Variants in RBFOX2 observed in about 807,000 individuals in gnomAD.
RBFOX2 encodes the protein RNA binding protein fox-1 homolog 2.
Under a neutral mutation model 49.1 loss-of-function variants are expected in RBFOX2, and 10 were observed. The observed-to-expected ratio is 0.20, with a 90% CI of 0.13 to 0.35. The LOEUF is 0.35. RBFOX2 is among the 10% of genes least tolerant of loss of function. The pLI, the probability that RBFOX2 is intolerant of heterozygous loss-of-function variation, is 1.00. For synonymous variants in RBFOX2, 183 were observed against 187.4 expected, an observed-to-expected ratio of 0.98 and a Z score of 0.19; for missense variants, 323 against 486.9, an observed-to-expected ratio of 0.66 and a Z score of 3.17.
intron 1 of RBFOX2, among the ~76,000 whole-genome samples, chr22:35,896,053 G>A (rs1272247994): frequency 1.3e-5 from 2 of 152,044 alleles, no homozygotes; most frequent in East Asian, 3.8e-4. Flanking sequence ...GCCCATACGT[G>A]TTCCTTGCTT....
chr22:35,769,159 C>T (rs1375006847), intron 4 of RBFOX2, among the ~76,000 whole-genome samples: 2 of 151,976 alleles, frequency 1.3e-5, no homozygotes, highest in African/African-American at 4.8e-5. Flanking sequence ...TTTATACCTG[C>T]TATTAAAGGT....
chr22:35,911,256 G>C (rs2049794085), intron 1 of RBFOX2, among the ~76,000 whole-genome samples: 1 of 152,174 alleles, frequency 6.6e-6, no homozygotes, highest in East Asian at 1.9e-4. Flanking sequence ...AATCTTCTTT[G>C]TAAAAGCCAT....
At chr22:35,857,659 T>G (rs769600366) in intron 1 of RBFOX2, among the ~76,000 whole-genome samples, 6 of 152,098 alleles carry the variant, frequency 3.9e-5, no homozygotes, top group Non-Finnish European at 8.8e-5. Flanking sequence ...TTGAGATTCC[T>G]CTCCCACACT....
At chr22:35,916,580 C>A (rs1277773832) in intron 1 of RBFOX2, among the ~76,000 whole-genome samples, 2 of 152,174 alleles carry the variant, frequency 1.3e-5, no homozygotes, top group African/African-American at 4.8e-5. Context: ...CCGTGCCCAG[C>A]CAGGAGAGTG....
chr22:36,001,481 C>G (rs1047163557), intron 1 of RBFOX2, among the ~76,000 whole-genome samples: 1 of 152,016 alleles, frequency 6.6e-6, no homozygotes, highest in Non-Finnish European at 1.5e-5. Context: ...ACAAATTAGG[C>G]CAGGCACAGG....
chr22:35,937,079 T>C (rs931330482), intron 1 of RBFOX2, among the ~76,000 whole-genome samples: 5 of 152,184 alleles, frequency 3.3e-5, no homozygotes, highest in African/African-American at 1.2e-4. Flanking sequence ...AAGCAGCCCA[T>C]AGGACTGTAG....
At chr22:35,805,850 T>C (rs1432784942) in intron 2 of RBFOX2, among the ~76,000 whole-genome samples, 3 of 152,234 alleles carry the variant, frequency 2.0e-5, no homozygotes, top group African/African-American at 7.2e-5. Context: ...CTTAAATGCA[T>C]ATTACTAAGT....
At chr22:36,001,054 A>G (rs914327876) in intron 1 of RBFOX2, among the ~76,000 whole-genome samples, 1 of 152,160 alleles carries the variant, frequency 6.6e-6, no homozygotes, top group Admixed American at 6.5e-5. Flanking sequence ...TAAAGTACTA[A>G]AGGAAAGCAC....
chr22:35,918,042 G>T (rs1157915260), intron 1 of RBFOX2, among the ~76,000 whole-genome samples: 2 of 152,208 alleles, frequency 1.3e-5, no homozygotes, highest in African/African-American at 2.4e-5. Context: ...TAAAACGGGG[G>T]TGATATGATT....
intron 1 of RBFOX2, among the ~76,000 whole-genome samples, chr22:35,924,998 G>A (rs988970565): frequency 2.0e-5 from 3 of 151,834 alleles, no homozygotes; most frequent in Non-Finnish European, 2.9e-5. Flanking sequence ...GGCCAACATG[G>A]TGAAACCCCA....
intron 1 of RBFOX2, among the ~76,000 whole-genome samples, chr22:36,006,022 A>G (rs2058603739): frequency 6.6e-6 from 1 of 152,218 alleles, no homozygotes; most frequent in African/African-American, 2.4e-5. Context: ...TCAAAGCATA[A>G]AACATTTCAG....
At chr22:35,744,386 C>T in intron 11 of RBFOX2, 137 bp from the exon 14 acceptor site, 1 of 774,950 alleles carries the variant, frequency 1.3e-6, no homozygotes, top group South Asian at 2.6e-5. Context: ...TTGCCTTGTG[C>T]AGTGAAGTCA....
At position 35,790,622 on chromosome 22, in the gene RBFOX2, A is replaced by G. The variant is rs183950155; in HGVS notation, c.253-8876T>C. 6.1e-3 allele frequency among the ~76,000 whole-genome samples: 922 copies of G among 152,346 alleles called. 5 individuals carry two copies. Among genetic ancestry groups the G allele is most frequent in the Non-Finnish European group, 9.8e-3 (666 of 68,026 alleles). ...CTTATTGCCTAGTTTCAAACATTCT[A>G]CTATAGCTATGTAAGATGCTAACAT... is the stretch of plus-strand genomic sequence containing the variant. On this transcript the variant is annotated intron_variant, in intron 2 of 11. Transcript: ENST00000405409.
intron 1 of RBFOX2, chr22:35,994,451 G>C (rs2058107003): frequency 6.6e-6 from 1 of 150,894 alleles, no homozygotes; most frequent in Admixed American, 6.6e-5. Context: ...TGTCACTCAG[G>C]CCAGAGTACA....
In RBFOX2 at chr22:35,946,692, T is replaced by C. The variant is rs369017433; in HGVS notation, c.43-7795A>G. Among the ~76,000 whole-genome samples, 71 of 152,346 alleles carry C rather than the reference T, an allele frequency of 4.7e-4. 1 individual carries two copies. The South Asian group carries it at 9.5e-3, about 20-fold the overall frequency. ...CCTCTACATCAGCTATTTAGGAATA[T>C]GTGCTAAATGGCCATTCTGCCTCAC... On this transcript the variant is annotated intron_variant, in intron 1 of 5. Coordinates refer to the RBFOX2 transcript ENST00000408983.
At chr22:35,953,562 A>G (rs1314615663) in intron 1 of RBFOX2, among the ~76,000 whole-genome samples, 3 of 152,222 alleles carry the variant, frequency 2.0e-5, no homozygotes, top group Non-Finnish European at 4.4e-5. Flanking sequence ...GGGTGATGTA[A>G]AAATGTAAGC....
chr22:35,937,833 C>T (rs1469350255), intron 1 of RBFOX2, among the ~76,000 whole-genome samples: 4 of 152,180 alleles, frequency 2.6e-5, no homozygotes, highest in Admixed American at 2.6e-4. Flanking sequence ...TCATGATCCA[C>T]CCACCTTGGC....
exon 7 of RBFOX2, chr22:35,761,450 A>G: frequency 6.2e-7 from 1 of 1,614,158 alleles, no homozygotes; most frequent in Non-Finnish European, 8.5e-7. Context: ...AGCTCCAACT[A>G]CTGGGCTTAA....
intron 3 of RBFOX2, 113 bp downstream of exon 4, chr22:35,781,487 G>C (rs1787825792): frequency 7.4e-7 from 1 of 1,346,444 alleles, no homozygotes; most frequent in African/African-American, 1.5e-5. Flanking sequence ...TTTACCTCAG[G>C]TTCTTTCAAT....
Sources: gnomAD v4.1 joint callset for allele counts (sites outside exome capture counted in the v4.1 genomes callset) on GRCh38, gnomAD v4.1.1 for gene constraint, MANE v1.5 for transcripts, NCBI Gene and HGNC (gene_info 2026-07-23, HGNC 2026-07-21) for gene names.